The following LARGE1 variants were observed in gnomAD, a reference collection of about 807,000 sequenced individuals.
LARGE1 encodes the protein LARGE xylosyl- and glucuronyltransferase 1.
In LARGE1, 43 loss-of-function variants were observed where a neutral mutation model predicts 87.6. That is an observed-to-expected ratio of 0.49 (90% CI 0.38 to 0.63). The LOEUF (loss-of-function observed/expected upper bound fraction) is 0.63, where lower values mean the gene tolerates loss of function less well. Ranked by LOEUF, LARGE1 falls within the 30% of genes least tolerant of loss-of-function variation. The pLI is 0.00. For missense variants in LARGE1, 802 were observed against 1,000.2 expected, an observed-to-expected ratio of 0.80 and a Z score of 2.67; for synonymous variants, 434 against 394.6, an observed-to-expected ratio of 1.10 and a Z score of -1.18.
At chr22:33,203,322 G>A (rs1427112406) in intron 11 of LARGE1, among the ~76,000 whole-genome samples, 3 of 152,102 alleles carry the variant, frequency 2.0e-5, no homozygotes, top group African/African-American at 4.8e-5. Context: ...AGACAGCCTC[G>A]TGCAGGATAA....
At chr22:33,201,038 G>A (rs1924353953) in intron 11 of LARGE1, among the ~76,000 whole-genome samples, 1 of 152,198 alleles carries the variant, frequency 6.6e-6, no homozygotes, top group Non-Finnish European at 1.5e-5. Context: ...GCCGGGTGCA[G>A]TGACTCATGC....
intron 11 of LARGE1, among the ~76,000 whole-genome samples, chr22:33,220,145 A>G (rs1215074123): frequency 6.6e-6 from 1 of 152,144 alleles, no homozygotes; most frequent in Admixed American, 6.5e-5. Flanking sequence ...ATCTTAATGG[A>G]AGAGGACAAA....
At chr22:33,216,591 C>G (rs113934819) in intron 11 of LARGE1, among the ~76,000 whole-genome samples, 154 of 139,160 alleles carry the variant, frequency 1.1e-3, no homozygotes, top group African/African-American at 4.4e-3. Context: ...GCGTGACACT[C>G]CATCTCAAAA....
chr22:33,112,176 G>A, the LARGE1 span, among the ~76,000 whole-genome samples: 5 of 152,236 alleles, frequency 3.3e-5, no homozygotes, highest in African/African-American at 1.2e-4. Context: ...GCCCAGTTAG[G>A]AGGCTGATGA....
intron 1 of LARGE1, among the ~76,000 whole-genome samples, chr22:33,900,784 C>T (rs903182658): frequency 5.3e-5 from 8 of 152,188 alleles, no homozygotes; most frequent in Non-Finnish European, 1.0e-4. Context: ...CAGTGGCTCA[C>T]GCCTGTAATC....
rs1555880676 is a variant in LARGE1 at position 33,183,622 on chromosome 22, A to ACG, written c.1731-16791_1731-16790insCG. Among the ~76,000 whole-genome samples, 24 of 92,752 alleles carry ACG rather than the reference A, an allele frequency of 2.6e-4. 1 individual carries two copies. In the South Asian group the frequency reaches 4.9e-3, roughly 19 times the overall value. The allele number at this position is 92,752 out of a possible 152,430, so 60.8% of individuals were successfully genotyped here. A position where few individuals can be genotyped will look rare whatever the true frequency, so the allele number is the denominator to read the frequency against. On this transcript the variant is annotated intron_variant, in intron 11 of 11. Transcript: ENST00000608642. ...ATAAAACACACACACACACACACGCACACACACACACACACACACACACAC... is the reference window on the plus strand; with the variant it reads ...ATAAAACACACACACACACACACGCACGCACACACACACACACACACACACAC...
chr22:33,100,525 T>C, the LARGE1 span, among the ~76,000 whole-genome samples: 9 of 152,152 alleles, frequency 5.9e-5, no homozygotes, highest in Non-Finnish European at 1.0e-4. Flanking sequence ...AGTGTAGAGA[T>C]AGAACATTTC....
At chr22:33,877,642 G>T (rs934906492) in intron 1 of LARGE1, among the ~76,000 whole-genome samples, 1 of 152,154 alleles carries the variant, frequency 6.6e-6, no homozygotes, top group African/African-American at 2.4e-5. Context: ...TAAAATACAG[G>T]CTGGGCACGG....
intron 13 of LARGE1, among the ~76,000 whole-genome samples, chr22:33,279,346 C>G (rs974383049): frequency 6.6e-5 from 10 of 152,172 alleles, no homozygotes; most frequent in African/African-American, 1.9e-4. Context: ...AAGTGGAAGT[C>G]TGGGTTCCAT....
At chr22:33,679,442 G>A (rs1171897590) in intron 2 of LARGE1, among the ~76,000 whole-genome samples, 1 of 151,520 alleles carries the variant, frequency 6.6e-6, no homozygotes, top group Non-Finnish European at 1.5e-5. Context: ...TATATAAAGG[G>A]GAAATTTGGG....
chr22:33,067,706 G>A, the LARGE1 span, among the ~76,000 whole-genome samples: 1 of 152,220 alleles, frequency 6.6e-6, no homozygotes, highest in Admixed American at 6.5e-5. Context: ...CTGAGGCCAG[G>A]TGCAGTGGCT....
intron 2 of LARGE1, among the ~76,000 whole-genome samples, chr22:33,680,060 A>G (rs2081710651): frequency 6.6e-6 from 1 of 152,192 alleles, no homozygotes; most frequent in South Asian, 2.1e-4. Flanking sequence ...GGAGGGGATC[A>G]CATTCCAGTC....
At chr22:33,908,549 G>A (rs991658366) in intron 1 of LARGE1, among the ~76,000 whole-genome samples, 1 of 141,594 alleles carries the variant, frequency 7.1e-6, no homozygotes, top group Non-Finnish European at 1.5e-5. Context: ...ATGGGGGGTG[G>A]CCAGGGGTGG....
the LARGE1 span, among the ~76,000 whole-genome samples, chr22:33,140,551 C>T: frequency 6.6e-6 from 1 of 152,212 alleles, no homozygotes; most frequent in Non-Finnish European, 1.5e-5. Flanking sequence ...TAATCAGCTG[C>T]CAGCATGGCT....
chr22:33,556,387 T>A (rs1433367524), intron 6 of LARGE1, among the ~76,000 whole-genome samples: 1 of 151,696 alleles, frequency 6.6e-6, no homozygotes, highest in Non-Finnish European at 1.5e-5. Context: ...AACAGGAGGG[T>A]AGAGCTAGGT....
At chr22:33,224,212 G>A (rs1925607093) in intron 11 of LARGE1, among the ~76,000 whole-genome samples, 1 of 152,056 alleles carries the variant, frequency 6.6e-6, no homozygotes, top group Non-Finnish European at 1.5e-5. Context: ...CTTGCAGTGA[G>A]CCGAGATCGC....
chr22:33,247,768 T>C (rs1163007849), intron 11 of LARGE1, among the ~76,000 whole-genome samples: 1 of 152,218 alleles, frequency 6.6e-6, no homozygotes, highest in Non-Finnish European at 1.5e-5. Flanking sequence ...GTACTGATTG[T>C]GGAGCCCGGA....
chr22:33,818,028 G>C (rs1395469735), intron 1 of LARGE1, among the ~76,000 whole-genome samples: 2 of 152,160 alleles, frequency 1.3e-5, no homozygotes, highest in African/African-American at 2.4e-5. Context: ...CCTAGGTTCA[G>C]ACCCCAGATC....
intron 1 of LARGE1, among the ~76,000 whole-genome samples, chr22:33,797,221 C>A (rs960617995): frequency 6.6e-6 from 1 of 152,170 alleles, no homozygotes; most frequent in Admixed American, 6.6e-5. Flanking sequence ...AAGAAGGGGG[C>A]ACCCCTCCAG....
Sources: allele counts gnomAD v4.1 joint callset (sites outside exome capture counted in the v4.1 genomes callset), GRCh38; gene constraint gnomAD v4.1.1; transcripts MANE v1.5; gene names NCBI Gene and HGNC (gene_info 2026-07-23, HGNC 2026-07-21).